Variants in ZFAND3 observed in about 807,000 individuals in gnomAD.
The protein encoded by ZFAND3 is AN1-type zinc finger protein 3.
Under a neutral mutation model 29.6 loss-of-function variants are expected in ZFAND3, and 10 were observed. The observed-to-expected ratio is 0.34, with a 90% CI of 0.21 to 0.57. The LOEUF (loss-of-function observed/expected upper bound fraction) is 0.57. ZFAND3 is among the 20% of genes least tolerant of loss of function. ZFAND3 has a pLI of 0.86. For missense variants in ZFAND3, 230 were observed against 304.5 expected, an observed-to-expected ratio of 0.76 and a Z score of 1.82; for synonymous variants, 128 against 112.6, an observed-to-expected ratio of 1.14 and a Z score of -0.87.
chr6:38,076,894 T>G (rs1764565376), intron 3 of ZFAND3, among the ~76,000 whole-genome samples: 1 of 152,212 alleles, frequency 6.6e-6, no homozygotes, highest in Non-Finnish European at 1.5e-5. Flanking sequence ...TTCTTGTGCA[T>G]TCTACTGTGT....
At chr6:38,019,008 G>T (rs1763299513) in intron 2 of ZFAND3, among the ~76,000 whole-genome samples, 1 of 152,024 alleles carries the variant, frequency 6.6e-6, no homozygotes, top group Admixed American at 6.6e-5. Context: ...TGTCACTCAG[G>T]CTGAAGTGCA....
chr6:38,141,310 A>C (rs1223063176), intron 5 of ZFAND3, among the ~76,000 whole-genome samples: 1 of 152,328 alleles, frequency 6.6e-6, no homozygotes, highest in African/African-American at 2.4e-5. Context: ...GGAAATAGAC[A>C]TGAGGCTTTT....
At chr6:37,875,944 T>A (rs977534934) in intron 1 of ZFAND3, among the ~76,000 whole-genome samples, 1 of 152,152 alleles carries the variant, frequency 6.6e-6, no homozygotes, top group East Asian at 1.9e-4. Flanking sequence ...GTGTGGAGAT[T>A]ACAGGCCCAG....
intron 3 of ZFAND3, 38 bp from the exon 4 acceptor site, chr6:38,082,354 A>T (rs747615315): frequency 2.5e-6 from 4 of 1,585,426 alleles, no homozygotes; most frequent in Admixed American, 3.5e-5. Flanking sequence ...CATGTAAAGG[A>T]TGTGTCCTGA....
intron 2 of ZFAND3, among the ~76,000 whole-genome samples, chr6:37,944,199 T>C (rs1277761813): frequency 6.6e-6 from 1 of 152,206 alleles, no homozygotes; most frequent in Non-Finnish European, 1.5e-5. Flanking sequence ...TATTTAAATA[T>C]GACAGTTGGA....
intron 1 of ZFAND3, among the ~76,000 whole-genome samples, chr6:37,910,830 A>G (rs1324851243): frequency 6.6e-6 from 1 of 152,202 alleles, no homozygotes; most frequent in Non-Finnish European, 1.5e-5. Flanking sequence ...ATTTCACTTA[A>G]CATGATGTCC....
chr6:37,908,560 GA>G (rs1186708777), intron 1 of ZFAND3, among the ~76,000 whole-genome samples: 6 of 111,864 alleles, frequency 5.4e-5, no homozygotes, highest in South Asian at 2.9e-4. Context: ...AAAAAAAAAA[GA>G]AAAAAAAGAA....
intron 3 of ZFAND3, among the ~76,000 whole-genome samples, chr6:38,079,539 T>TGG (rs143414405): frequency 0.089 from 13,538 of 152,248 alleles, 777 homozygotes; most frequent in East Asian, 0.28. Context: ...TATGTAAATA[T>TGG]GTGTTAATTC....
chr6:38,141,702 G>A (rs184325808), intron 5 of ZFAND3, among the ~76,000 whole-genome samples: 4 of 152,282 alleles, frequency 2.6e-5, no homozygotes, highest in East Asian at 1.9e-4. Context: ...AAGGAGAATG[G>A]AACCAGAATC....
rs575871177 is a variant in ZFAND3, at chr6:37,879,362, G to A, written c.72-50597G>A. Among the ~76,000 whole-genome samples, 7 of 152,026 alleles carry A rather than the reference G, an allele frequency of 4.6e-5. No individual in the cohort carries two copies. The East Asian group carries it at 1.4e-3, about 29-fold the overall frequency. ...TTGTTTTTTTTTTGTGGGGGAGCGG[G>A]TGGTGGTGGTGCAGGGAGTAGGTAG... On this transcript the variant is annotated intron_variant, in intron 1 of 5. Coordinates refer to ENST00000287218, the MANE Select transcript of ZFAND3 (RefSeq NM_021943.3).
At chr6:38,072,850 T>C (rs1050559924) in intron 3 of ZFAND3, among the ~76,000 whole-genome samples, 4 of 152,236 alleles carry the variant, frequency 2.6e-5, no homozygotes, top group African/African-American at 9.6e-5. Flanking sequence ...ATCAAAAAGA[T>C]GATTCTTTAG....
At position 38,085,379 on chromosome 6, in the gene ZFAND3, C is replaced by G. The variant is rs193246252; in HGVS notation, c.361+2922C>G. ...TCCAATCTATCCATACAAGGTTGGA[C>G]CTAAAGCAGCCTTGAGCTTAATAAT... On this transcript the variant is annotated intron_variant, in intron 4 of 5. Transcript: ENST00000287218. 2.3e-4 allele frequency among the ~76,000 whole-genome samples: 35 copies of G among 152,254 alleles called. No individual in the cohort carries two copies. The East Asian group carries it at 6.6e-3, about 29-fold the overall frequency.
chr6:37,962,871 CACTT>C (rs1251010978), intron 2 of ZFAND3, among the ~76,000 whole-genome samples: 3 of 152,238 alleles, frequency 2.0e-5, no homozygotes, highest in African/African-American at 4.8e-5. Context: ...AGAGCTGTAA[CACTT>C]ACTGTGAATG....
At chr6:37,835,271 G>T (rs138822775) in intron 1 of ZFAND3, among the ~76,000 whole-genome samples, 1,822 of 152,148 alleles carry the variant, frequency 0.012, 17 homozygotes, top group Middle Eastern at 0.041. Context: ...TGATCTTCCT[G>T]CCTCAGCCTC....
At chr6:38,136,493 A>G (rs1294808026) in intron 5 of ZFAND3, among the ~76,000 whole-genome samples, 2 of 152,178 alleles carry the variant, frequency 1.3e-5, no homozygotes, top group Non-Finnish European at 2.9e-5. Context: ...ATTTACTCTG[A>G]TGGCTCCTCC....
chr6:38,026,257 C>T (rs1763445135), intron 2 of ZFAND3, among the ~76,000 whole-genome samples: 1 of 151,980 alleles, frequency 6.6e-6, no homozygotes, highest in Admixed American at 6.6e-5. Flanking sequence ...AATCCTGTTT[C>T]TCTAGTCCCA....
chr6:37,920,032 C>G (rs1761344809), intron 1 of ZFAND3, among the ~76,000 whole-genome samples: 1 of 141,584 alleles, frequency 7.1e-6, no homozygotes, highest in Non-Finnish European at 1.5e-5. Context: ...CTCTTTCTCA[C>G]TTCCAGGTTT....
At chr6:38,129,535 A>G (rs1765703296) in intron 5 of ZFAND3, among the ~76,000 whole-genome samples, 1 of 152,140 alleles carries the variant, frequency 6.6e-6, no homozygotes, top group African/African-American at 2.4e-5. Flanking sequence ...TCATTCTCCT[A>G]CATGTGGCTA....
At chr6:38,138,015 A>G (rs1479209799) in intron 5 of ZFAND3, among the ~76,000 whole-genome samples, 1 of 152,172 alleles carries the variant, frequency 6.6e-6, no homozygotes, top group Non-Finnish European at 1.5e-5. Flanking sequence ...TAAATTTTAA[A>G]AATATTCCCC....
Sources: gnomAD v4.1 joint callset for allele counts (sites outside exome capture counted in the v4.1 genomes callset) on GRCh38, gnomAD v4.1.1 for gene constraint, MANE v1.5 for transcripts, NCBI Gene and HGNC (gene_info 2026-07-23, HGNC 2026-07-21) for gene names.